KIRREL3: variants seen among roughly 807,000 people sequenced by gnomAD.
The protein encoded by KIRREL3 is kirre like nephrin family adhesion molecule 3, also known as kin of IRRE-like protein 3.
KIRREL3 carries 36 observed loss-of-function variants against 89.7 expected under a neutral mutation model. That is an observed-to-expected ratio of 0.40 (90% confidence interval 0.31 to 0.53). The LOEUF is 0.53. KIRREL3 is among the 20% of genes least tolerant of loss of function. KIRREL3 has a pLI of 0.49. For synonymous variants in KIRREL3, 445 were observed against 441.4 expected, an observed-to-expected ratio of 1.01 and a Z score of -0.10; for missense variants, 864 against 1,056.6, an observed-to-expected ratio of 0.82 and a Z score of 2.53.
chr11:126,512,654 C>G (rs76655437), intron 4 of KIRREL3, among the ~76,000 whole-genome samples: 6,084 of 152,246 alleles, frequency 0.04, 457 homozygotes, highest in African/African-American at 0.14. Context: ...ACCCGAGGAT[C>G]GAGGTCCTGA....
rs1047349836 is a variant in KIRREL3 at position 126,459,120 on chromosome 11, C to T, written c.743-2666G>A. On this transcript the variant is annotated intron_variant, in intron 6 of 16. Transcript: ENST00000525144. The surrounding 1 kb of genome is among the most constrained non-coding windows in gnomAD (Gnocchi z 4.8). ...CGTGCCCTCGCATTATAAAGGCCAACGCTGGGACGTGAGTACCCACCCCAA... is the reference window on the plus strand; with the variant it reads ...CGTGCCCTCGCATTATAAAGGCCAATGCTGGGACGTGAGTACCCACCCCAA... Among the ~76,000 whole-genome samples the T allele has an allele frequency of 5.9e-5, 9 of 152,110 alleles. No homozygotes were observed. Among genetic ancestry groups the T allele is most frequent in the Non-Finnish European group, 1.0e-4 (7 of 68,026 alleles).
At position 126,485,953 on chromosome 11, in the gene KIRREL3, G is replaced by A. The variant is rs1248163755; in HGVS notation, c.434-12487C>T. On this transcript the variant is annotated intron_variant, in intron 4 of 16. Transcript: ENST00000525144. This position sits in a 1 kb window ranked among gnomAD's most constrained non-coding sequence, Gnocchi z 5.8. Reference sequence around the variant, plus strand: ...AGGGAAAGGGAGCCAGGTGCTGTCAGGGTCAAAGTCAGCAGTGGCTTGGTT... The same window carrying A: ...AGGGAAAGGGAGCCAGGTGCTGTCAAGGTCAAAGTCAGCAGTGGCTTGGTT... Among the ~76,000 whole-genome samples the A allele has an allele frequency of 1.3e-5, 2 of 152,238 alleles. No individual in the cohort carries two copies. Among genetic ancestry groups the A allele is most frequent in the Non-Finnish European group, 2.9e-5 (2 of 68,046 alleles).
intron 1 of KIRREL3, among the ~76,000 whole-genome samples, chr11:126,663,734 C>T (rs1945527362): frequency 6.6e-6 from 1 of 152,162 alleles, no homozygotes; most frequent in Non-Finnish European, 1.5e-5. Flanking sequence ...GCCTCTGAAC[C>T]CATTGCATCC....
At chr11:126,706,939 G>T in intron 1 of KIRREL3, among the ~76,000 whole-genome samples, 1 of 145,420 alleles carries the variant, frequency 6.9e-6, no homozygotes, top group African/African-American at 2.5e-5. Flanking sequence ...ATTGTTTTTT[G>T]ACTTTTTTTT....
rs1023035734 is a variant in KIRREL3 at position 126,879,807 on chromosome 11, T to C, written c.55+120648A>G. ...ACATCTCAAGGAGCTCAACTGGTCTTATGACCCTGAACCTTCTGTCTCCAG... is the reference window on the plus strand; with the variant it reads ...ACATCTCAAGGAGCTCAACTGGTCTCATGACCCTGAACCTTCTGTCTCCAG... On this transcript the variant is annotated intron_variant, in intron 1 of 16. Coordinates refer to ENST00000525144, the MANE Select transcript of KIRREL3 (RefSeq NM_032531.4). This position sits in a 1 kb window ranked among gnomAD's most constrained non-coding sequence, Gnocchi z 5.4. Among the ~76,000 whole-genome samples, 3 of 152,212 alleles carry C rather than the reference T, an allele frequency of 2.0e-5. No homozygotes were observed. Among genetic ancestry groups the C allele is most frequent in the African/African-American group, 7.2e-5 (3 of 41,448 alleles).
At chr11:126,852,103 G>A (rs1272065387) in intron 1 of KIRREL3, among the ~76,000 whole-genome samples, 1 of 148,298 alleles carries the variant, frequency 6.7e-6, no homozygotes, top group Non-Finnish European at 1.5e-5. Flanking sequence ...TCCCAGGCCG[G>A]AGTGCAGTGG....
chr11:126,952,099 GT>G (rs1278558699), intron 1 of KIRREL3, among the ~76,000 whole-genome samples: 1 of 152,204 alleles, frequency 6.6e-6, no homozygotes, highest in Non-Finnish European at 1.5e-5. Flanking sequence ...AATAAATAGA[GT>G]TTTGGCTGGG....
In KIRREL3 at chr11:126,430,964, T is replaced by C. The variant is rs764520418; in HGVS notation, c.1696+455A>G. ...TAAAAGTTTTCTCAAAGCAATTCCT[T>C]TATTGCTTCCCCACCCACTCCCCCA... On this transcript the variant is annotated intron_variant, in intron 14 of 16. Coordinates refer to ENST00000525144, the MANE Select transcript of KIRREL3 (RefSeq NM_032531.4). The surrounding 1 kb of genome is among the most constrained non-coding windows in gnomAD (Gnocchi z 6.6). The C allele has an allele frequency of 1.8e-5, 19 of 1,056,944 alleles. No individual in the cohort carries two copies. The highest frequency in any genetic ancestry group is 1.9e-5 in the Non-Finnish European group (17 of 876,018). 65.5% of individuals were successfully genotyped at this position (1,056,944 alleles called of 1,614,324 possible).
Position 126,570,293 on chromosome 11 carries a change from C to T in KIRREL3, c.56-7381G>A, listed in dbSNP as rs185946603. On this transcript the variant is annotated intron_variant, in intron 1 of 16. Coordinates refer to ENST00000525144, the MANE Select transcript of KIRREL3 (RefSeq NM_032531.4). This position sits in a 1 kb window ranked among gnomAD's most constrained non-coding sequence, Gnocchi z 6.1. Reference sequence around the variant, plus strand: ...TAATTATACTAGAACTAAGTTTTTCCCCATTCATATTATCAATTAGTTGTT... The same window carrying T: ...TAATTATACTAGAACTAAGTTTTTCTCCATTCATATTATCAATTAGTTGTT... 4.7e-3 allele frequency among the ~76,000 whole-genome samples: 710 copies of T among 152,114 alleles called. 4 individuals carry two copies. Among genetic ancestry groups the T allele is most frequent in the African/African-American group, 0.016 (666 of 41,496 alleles).
Position 126,424,532 on chromosome 11 carries a change from G to T in KIRREL3, c.*48C>A, listed in dbSNP as rs532764140. 1 of 1,578,482 alleles carries T rather than the reference G, an allele frequency of 6.3e-7. No homozygotes were observed. Among genetic ancestry groups the T allele is most frequent in the South Asian group, 1.1e-5 (1 of 88,716 alleles). On this transcript the variant is annotated 3_prime_UTR_variant, in exon 17 of 17. Transcript: ENST00000525144. ...CCCCTCGTCCCTGGACAACCAGAACGTGCCCTGACCTCTTCCCTGGCCCGT... is the reference window on the plus strand; with the variant it reads ...CCCCTCGTCCCTGGACAACCAGAACTTGCCCTGACCTCTTCCCTGGCCCGT...
chr11:126,951,301 G>A (rs1229001189), intron 1 of KIRREL3, among the ~76,000 whole-genome samples: 2 of 152,220 alleles, frequency 1.3e-5, no homozygotes, highest in Non-Finnish European at 2.9e-5. Flanking sequence ...CATCCGTTGA[G>A]ATGCTCTGGG....
chr11:126,879,614 T>C lies in KIRREL3; in HGVS notation c.55+120841A>G, dbSNP rs1252508501. On this transcript the variant is annotated intron_variant, in intron 1 of 16. Transcript: ENST00000525144. The surrounding 1 kb of genome is among the most constrained non-coding windows in gnomAD (Gnocchi z 5.4). ...GCTATAATCTCTTCCATTTCTCCCATTTCTCTCACCTCCAAGCCACTTTCC... is the reference window on the plus strand; with the variant it reads ...GCTATAATCTCTTCCATTTCTCCCACTTCTCTCACCTCCAAGCCACTTTCC... 3.9e-5 allele frequency among the ~76,000 whole-genome samples: 6 copies of C among 152,214 alleles called. No individual in the cohort carries two copies. Among genetic ancestry groups the C allele is most frequent in the Admixed American group, 3.9e-4 (6 of 15,282 alleles).
At position 126,906,052 on chromosome 11, in the gene KIRREL3, C is replaced by A. The variant is rs894140360; in HGVS notation, c.55+94403G>T. Among the ~76,000 whole-genome samples, 3 of 152,212 alleles carry A rather than the reference C, an allele frequency of 2.0e-5. No individual in the cohort carries two copies. The highest frequency in any genetic ancestry group is 4.8e-5 in the African/African-American group (2 of 41,450). On this transcript the variant is annotated intron_variant, in intron 1 of 16. Coordinates refer to ENST00000525144, the MANE Select transcript of KIRREL3 (RefSeq NM_032531.4). This position sits in a 1 kb window ranked among gnomAD's most constrained non-coding sequence, Gnocchi z 4.1. ...TTTGTAGAACAAAATGCCAGGCCGA[C>A]TTCAAGGCCGGGAGGTGTGCAGAGC...
intron 5 of KIRREL3, among the ~76,000 whole-genome samples, chr11:126,469,679 G>A (rs1397341874): frequency 6.6e-6 from 1 of 152,240 alleles, no homozygotes; most frequent in Non-Finnish European, 1.5e-5. Context: ...CTGGCCGTGG[G>A]GTGGACAGTT....
Position 126,903,793 on chromosome 11 carries a change from TAAG to T in KIRREL3, c.55+96659_55+96661del, listed in dbSNP as rs1228746015. On this transcript the variant is annotated intron_variant, in intron 1 of 16. Coordinates refer to ENST00000525144, the MANE Select transcript of KIRREL3 (RefSeq NM_032531.4). This position sits in a 1 kb window ranked among gnomAD's most constrained non-coding sequence, Gnocchi z 4.5. Reference sequence around the variant, plus strand: ...CAATGGATGTTGCTGGTGGAAAAAATAAGAAGACGGTCCTAAATCAAAGGCAAT... The same window carrying T: ...CAATGGATGTTGCTGGTGGAAAAAATAAGACGGTCCTAAATCAAAGGCAAT... 6.6e-6 allele frequency among the ~76,000 whole-genome samples: 1 copy of T among 152,128 alleles called. No homozygotes were observed. Among genetic ancestry groups the T allele is most frequent in the Non-Finnish European group, 1.5e-5 (1 of 68,016 alleles).
Position 126,655,780 on chromosome 11 carries a change from A to G in KIRREL3, c.56-92868T>C, listed in dbSNP as rs1945109162. ...TTGGCTCAGGTTTCTGTGTGGCAAC[A>G]GCATGATAAAAATTCTGTCCACTCT... On this transcript the variant is annotated intron_variant, in intron 1 of 16. Coordinates refer to ENST00000525144, the MANE Select transcript of KIRREL3 (RefSeq NM_032531.4). This position sits in a 1 kb window ranked among gnomAD's most constrained non-coding sequence, Gnocchi z 5.0. Among the ~76,000 whole-genome samples the G allele has an allele frequency of 6.6e-6, 1 of 152,202 alleles. No homozygotes were observed. The highest frequency in any genetic ancestry group is 2.4e-5 in the African/African-American group (1 of 41,464).
intron 4 of KIRREL3, among the ~76,000 whole-genome samples, chr11:126,518,663 G>C (rs1958492551): frequency 6.6e-6 from 1 of 152,244 alleles, no homozygotes; most frequent in Non-Finnish European, 1.5e-5. Flanking sequence ...TCTTGGTAGG[G>C]AAGGCGGCTG....
chr11:126,511,299 G>A (rs1356224558), intron 4 of KIRREL3, among the ~76,000 whole-genome samples: 1 of 150,932 alleles, frequency 6.6e-6, no homozygotes, highest in Non-Finnish European at 1.5e-5. Flanking sequence ...ACTCCAGGTT[G>A]GGCGACAGAG....
chr11:126,436,080 G>A (rs1433556110), intron 12 of KIRREL3, among the ~76,000 whole-genome samples: 3 of 152,220 alleles, frequency 2.0e-5, no homozygotes, highest in Non-Finnish European at 4.4e-5. Flanking sequence ...CTGAGCAGAC[G>A]CTGGAGATCT....
Sources: allele counts gnomAD v4.1 joint callset (sites outside exome capture counted in the v4.1 genomes callset), GRCh38; gene constraint gnomAD v4.1.1; non-coding constraint Gnocchi (gnomAD v3.1); transcripts MANE v1.5; gene names NCBI Gene and HGNC (gene_info 2026-07-23, HGNC 2026-07-21).